The following CCDC57 variants were observed in gnomAD, a reference collection of about 807,000 sequenced individuals.
CCDC57 encodes the protein coiled-coil domain containing 57.
Under a neutral mutation model 118.9 loss-of-function variants are expected in CCDC57, and 118 were observed. The observed-to-expected ratio is 0.99, with a 90% confidence interval of 0.86 to 1.16. The LOEUF is 1.16. Ranked by LOEUF, CCDC57 falls within the 50% of genes most tolerant of loss-of-function variation. The probability of loss-of-function intolerance (pLI) is 0.00; values close to 1 mark genes in which losing one functional copy is unlikely to be tolerated. For synonymous variants in CCDC57, 527 were observed against 532.9 expected (o/e 0.99, Z 0.15); for missense variants, 1,300 against 1,320.7 (o/e 0.98, Z 0.24).
intron 19 of CCDC57, among the ~76,000 whole-genome samples, chr17:82,105,551 C>A (rs2034787802): frequency 6.6e-6 from 1 of 152,120 alleles, no homozygotes; most frequent in Non-Finnish European, 1.5e-5. Flanking sequence ...CCACGCCCAC[C>A]CGTGTCTCCC....
chr17:82,113,892 AC>A, intron 19 of CCDC57: 2 of 554,098 alleles, frequency 3.6e-6, no homozygotes, highest in South Asian at 4.1e-5. Flanking sequence ...GCCACAGTGA[AC>A]CAAGATTGTG....
At position 82,103,826 on chromosome 17, in the gene CCDC57, G is replaced by A. The variant is rs2034643875; in HGVS notation, c.2900-1960C>T. Among the ~76,000 whole-genome samples, 3 of 67,404 alleles carry A rather than the reference G, an allele frequency of 4.5e-5. No homozygotes were observed. In the South Asian group the frequency reaches 1.2e-3, roughly 27 times the overall value. 44.2% of individuals were successfully genotyped at this position (67,404 alleles called of 152,430 possible). A position where few individuals can be genotyped will look rare whatever the true frequency, so the allele number is the denominator to read the frequency against. The stretch of plus-strand genomic sequence containing the variant: ...GGTGTGAGTGGGTCACAGTCCCCGG[G>A]GCAGGGAGGGGCAGGGAGGGGCAGG... On this transcript the variant is annotated intron_variant, in intron 19 of 19. Transcript: ENST00000665763.
At chr17:82,182,696 A>AT (rs1041600722) in intron 9 of CCDC57, among the ~76,000 whole-genome samples, 32 of 144,364 alleles carry the variant, frequency 2.2e-4, no homozygotes, top group Admixed American at 6.9e-4. Context: ...TTGTTTATTC[A>AT]TTTTTTTGAG....
chr17:82,157,772 C>T (rs766352361), exon 15 of CCDC57: 18 of 1,603,164 alleles, frequency 1.1e-5, no homozygotes, highest in East Asian at 9.0e-5. Context: ...CCACGGCGTC[C>T]GAGGCTGGGG....
At chr17:82,152,431 G>A (rs1046277102) in intron 15 of CCDC57, 10 of 154,894 alleles carry the variant, frequency 6.5e-5, no homozygotes, top group African/African-American at 2.4e-4. Context: ...ACAGGGGCAG[G>A]AGCTGGCTGG....
intron 16 of CCDC57, among the ~76,000 whole-genome samples, chr17:82,150,366 C>T: frequency 6.8e-6 from 1 of 147,318 alleles, no homozygotes; most frequent in East Asian, 2.1e-4. Flanking sequence ...CACCCAGAAC[C>T]TGGTGCACAC....
intron 16 of CCDC57, among the ~76,000 whole-genome samples, chr17:82,147,184 G>C (rs1016231163): frequency 1.3e-5 from 2 of 151,766 alleles, no homozygotes; most frequent in Non-Finnish European, 2.9e-5. Context: ...TGGGATAAGT[G>C]GTTGGATAAA....
chr17:82,126,299 A>G (rs1170556005), intron 19 of CCDC57: 1 of 746,222 alleles, frequency 1.3e-6, no homozygotes, highest in Admixed American at 6.4e-5. Flanking sequence ...AAAAAAAAAA[A>G]CAGACAAGAT....
intron 16 of CCDC57, among the ~76,000 whole-genome samples, chr17:82,150,945 GCGCACACCCAGAACC>G (rs1568274071): frequency 1.0e-4 from 7 of 69,980 alleles, no homozygotes; most frequent in African/African-American, 2.2e-4. Flanking sequence ...CCAGAACCAG[GCGCACACCCAGAACC>G]TGACCTGCAC....
At chr17:82,145,726 C>A (rs1385145378) in intron 16 of CCDC57, 1 of 396,546 alleles carries the variant, frequency 2.5e-6, no homozygotes, top group East Asian at 9.9e-5. Context: ...TCCCACAGCA[C>A]CTGCCTCCTG....
intron 16 of CCDC57, among the ~76,000 whole-genome samples, chr17:82,134,718 C>T (rs907015121): frequency 2.0e-5 from 3 of 152,084 alleles, no homozygotes; most frequent in Admixed American, 6.6e-5. Context: ...TGCTTGAACC[C>T]GGGAGGCAGA....
At chr17:82,171,606 C>A (rs2044747437) in intron 13 of CCDC57, 95 bp downstream of exon 12, 3 of 1,369,244 alleles carry the variant, frequency 2.2e-6, no homozygotes, top group African/African-American at 2.9e-5. Flanking sequence ...TCTGCAGTAG[C>A]CTTGAGCTGT....
intron 13 of CCDC57, 87 bp from the exon 13 acceptor site, chr17:82,163,444 C>T (rs1406099235): frequency 6.6e-7 from 1 of 1,511,738 alleles, no homozygotes; most frequent in Admixed American, 2.0e-5. Context: ...TCAGCTCTCC[C>T]TTTCCCGTGA....
chr17:82,130,016 T>C (rs778404298), intron 17 of CCDC57, among the ~76,000 whole-genome samples: 6 of 151,970 alleles, frequency 3.9e-5, no homozygotes, highest in African/African-American at 7.3e-5. Flanking sequence ...GGGTAACATA[T>C]TGAGACCCCC....
At chr17:82,206,562 T>C (rs1432184682) in intron 2 of CCDC57, among the ~76,000 whole-genome samples, 1 of 151,420 alleles carries the variant, frequency 6.6e-6, no homozygotes, top group African/African-American at 2.4e-5. Flanking sequence ...GGGTGGGGTG[T>C]GGGGGGGTCC....
chr17:82,138,882 C>A (rs925596597), intron 16 of CCDC57, among the ~76,000 whole-genome samples: 1 of 152,186 alleles, frequency 6.6e-6, no homozygotes, highest in Non-Finnish European at 1.5e-5. Flanking sequence ...AGGCATAAAC[C>A]CCGTCACTGC....
chr17:82,163,099 G>A (rs551849797), intron 14 of CCDC57, 101 bp downstream of exon 13: 46 of 1,440,820 alleles, frequency 3.2e-5, no homozygotes, highest in African/African-American at 2.1e-4. Context: ...GTGGATGCCC[G>A]AGGTCACCTG....
intron 19 of CCDC57, chr17:82,126,744 G>C (rs2037489314): frequency 1.0e-6 from 1 of 985,320 alleles, no homozygotes; most frequent in Admixed American, 6.1e-5. Context: ...GCACGTACAC[G>C]TGTGTTTTCA....
At chr17:82,151,380 C>T (rs1187425233) in intron 16 of CCDC57, among the ~76,000 whole-genome samples, 180 bp downstream of exon 15, 2 of 151,114 alleles carry the variant, frequency 1.3e-5, no homozygotes, top group African/African-American at 4.9e-5. Context: ...GAACCTGGCA[C>T]ACACCCAGAA....
Sources: gnomAD v4.1 joint callset for allele counts (sites outside exome capture counted in the v4.1 genomes callset) on GRCh38, gnomAD v4.1.1 for gene constraint, MANE v1.5 for transcripts, NCBI Gene and HGNC (gene_info 2026-07-23, HGNC 2026-07-21) for gene names.